NALF1: variants seen among roughly 807,000 people sequenced by gnomAD.
NALF1 encodes the protein NALCN channel auxiliary factor 1.
In NALF1, 3 loss-of-function variants were observed where a neutral mutation model predicts 48.4. The ratio of observed to expected loss-of-function variants is 0.06; its 90% confidence interval spans 0.03 to 0.16. NALF1 has a LOEUF of 0.16. NALF1 is among the 10% of genes least tolerant of loss of function. The pLI is 1.00. For missense variants in NALF1, 526 were observed against 571.5 expected, an observed-to-expected ratio of 0.92 and a Z score of 0.81; for synonymous variants, 262 against 245.7, an observed-to-expected ratio of 1.07 and a Z score of -0.62.
chr13:107,637,283 CTT>C (rs1355877219), intron 1 of NALF1, among the ~76,000 whole-genome samples: 1 of 151,896 alleles, frequency 6.6e-6, no homozygotes, highest in South Asian at 2.1e-4. Context: ...TTAAGGAAAA[CTT>C]TATTTGTTAA....
chr13:107,598,090 T>C (rs1878807941), intron 1 of NALF1, among the ~76,000 whole-genome samples: 1 of 152,182 alleles, frequency 6.6e-6, no homozygotes, highest in Non-Finnish European at 1.5e-5. Flanking sequence ...TATGCCTAGA[T>C]GGTAAAACCT....
intron 1 of NALF1, among the ~76,000 whole-genome samples, chr13:107,252,405 G>A (rs1880720941): frequency 6.6e-6 from 1 of 151,528 alleles, no homozygotes; most frequent in Admixed American, 6.6e-5. Flanking sequence ...GAAAGATAGA[G>A]AGGGGAGAAT....
chr13:107,399,454 G>A (rs111388197), intron 1 of NALF1, among the ~76,000 whole-genome samples: 2 of 103,214 alleles, frequency 1.9e-5, no homozygotes, highest in African/African-American at 3.7e-5. Flanking sequence ...ACACATTCAC[G>A]TACACACACA....
rs1878724283 is a variant in NALF1, at chr13:107,168,830, A to G, written c.*1667T>C. On this transcript the variant is annotated 3_prime_UTR_variant, in exon 3 of 3. Transcript: ENST00000375915. ...AAATGCCCGGGGAAATTTCATAGCT[A>G]TAAAGTTAATAACTAAATTTTGTTC... 1 of 152,636 alleles carries G rather than the reference A, an allele frequency of 6.6e-6. No individual in the cohort carries two copies. The highest frequency in any genetic ancestry group is 1.5e-5 in the Non-Finnish European group (1 of 68,044). The allele number at this position is 152,636 out of a possible 1,614,324, so 9.5% of individuals were successfully genotyped here.
chr13:107,332,121 T>G (rs1214939974), intron 1 of NALF1, among the ~76,000 whole-genome samples: 2 of 152,244 alleles, frequency 1.3e-5, no homozygotes, highest in Non-Finnish European at 2.9e-5. Flanking sequence ...CAAACCCATT[T>G]TGTTTATAAA....
At chr13:107,865,536 A>G in intron 1 of NALF1, 146 bp downstream of exon 1, 1 of 1,115,866 alleles carries the variant, frequency 9.0e-7, no homozygotes, top group Non-Finnish European at 1.3e-6. Context: ...CTCATCTCAA[A>G]CAGCAAGCCA....
At chr13:107,260,493 T>C (rs1391492940) in intron 1 of NALF1, among the ~76,000 whole-genome samples, 1 of 152,166 alleles carries the variant, frequency 6.6e-6, no homozygotes, top group East Asian at 1.9e-4. Context: ...GCTAGCAGAG[T>C]TTTGATTTTC....
chr13:107,410,620 C>T (rs1883974485), intron 1 of NALF1, among the ~76,000 whole-genome samples: 1 of 152,004 alleles, frequency 6.6e-6, no homozygotes, highest in Non-Finnish European at 1.5e-5. Flanking sequence ...TGAAAATTTT[C>T]CCAGAAAAAC....
intron 1 of NALF1, among the ~76,000 whole-genome samples, chr13:107,741,941 A>G (rs1876648731): frequency 6.6e-6 from 1 of 152,246 alleles, no homozygotes; most frequent in Non-Finnish European, 1.5e-5. Context: ...TCTCAAACTC[A>G]TCCCTACAGA....
chr13:107,170,967 G>A (rs1010263911), intron 2 of NALF1, among the ~76,000 whole-genome samples, 181 bp from the exon 3 acceptor site: 1 of 152,174 alleles, frequency 6.6e-6, no homozygotes, highest in Non-Finnish European at 1.5e-5. Context: ...AACCAGTATT[G>A]TTAGATTCCT....
chr13:107,726,442 A>C (rs2138531857), intron 1 of NALF1, among the ~76,000 whole-genome samples: 1 of 152,190 alleles, frequency 6.6e-6, no homozygotes. Flanking sequence ...TATTTGAATA[A>C]ACCGAGTTCA....
chr13:107,396,781 C>T (rs1883720028), intron 1 of NALF1, among the ~76,000 whole-genome samples: 1 of 152,174 alleles, frequency 6.6e-6, no homozygotes, highest in Non-Finnish European at 1.5e-5. Context: ...ATGGGGTTCT[C>T]AGCAGTCTAT....
At chr13:107,671,369 G>T (rs1158398566) in intron 1 of NALF1, among the ~76,000 whole-genome samples, 1 of 152,008 alleles carries the variant, frequency 6.6e-6, no homozygotes, top group Non-Finnish European at 1.5e-5. Context: ...AGGAAAGATG[G>T]ATTATTCAAA....
chr13:107,597,872 T>G (rs1471866331), intron 1 of NALF1, among the ~76,000 whole-genome samples: 1 of 152,182 alleles, frequency 6.6e-6, no homozygotes, highest in Non-Finnish European at 1.5e-5. Flanking sequence ...GGTAGTTAAT[T>G]ACTACTTAAA....
At chr13:107,766,765 G>T (rs1169356382) in intron 1 of NALF1, among the ~76,000 whole-genome samples, 5 of 152,138 alleles carry the variant, frequency 3.3e-5, no homozygotes, top group African/African-American at 7.2e-5. Flanking sequence ...CTAACTTTTA[G>T]ATCATCATAG....
intron 1 of NALF1, among the ~76,000 whole-genome samples, chr13:107,861,427 C>A (rs528285223): frequency 5.3e-5 from 8 of 152,192 alleles, no homozygotes; most frequent in African/African-American, 1.4e-4. Context: ...TAGTCAAGAG[C>A]AAAATATTTT....
At chr13:107,496,745 T>C (rs986418374) in intron 1 of NALF1, among the ~76,000 whole-genome samples, 2 of 151,988 alleles carry the variant, frequency 1.3e-5, no homozygotes, top group African/African-American at 4.8e-5. Context: ...CTCAAAATCA[T>C]GGTGGAAGGC....
chr13:107,786,450 G>A lies in NALF1; in HGVS notation c.915+79232C>T, dbSNP rs562889340. Among the ~76,000 whole-genome samples the A allele has an allele frequency of 4.2e-4, 60 of 142,444 alleles. 1 individual carries two copies. The highest frequency in any genetic ancestry group is 1.5e-3 in the African/African-American group (56 of 38,302). 93.4% of individuals were successfully genotyped at this position (142,444 alleles called of 152,430 possible). A position where few individuals can be genotyped will look rare whatever the true frequency, so the allele number is the denominator to read the frequency against. ...AAAAAAAAAAAAAAAAAAGCCGGGC[G>A]CGGTGGCTCACTCCTGTAATCCCAA... On this transcript the variant is annotated intron_variant, in intron 1 of 2. Coordinates refer to ENST00000375915, the MANE Select transcript of NALF1 (RefSeq NM_001080396.3).
chr13:107,390,479 T>C (rs1883604925), intron 1 of NALF1, among the ~76,000 whole-genome samples: 1 of 151,976 alleles, frequency 6.6e-6, no homozygotes, highest in Non-Finnish European at 1.5e-5. Context: ...TCTTAAAACA[T>C]AAATAAGATG....
Sources: gnomAD v4.1 joint callset for allele counts (sites outside exome capture counted in the v4.1 genomes callset) on GRCh38, gnomAD v4.1.1 for gene constraint, MANE v1.5 for transcripts, NCBI Gene and HGNC (gene_info 2026-07-23, HGNC 2026-07-21) for gene names.